BMPR1B: variants seen among roughly 807,000 people sequenced by gnomAD.
BMPR1B encodes bone morphogenetic protein receptor type 1B.
In BMPR1B, 12 loss-of-function variants were observed where a neutral mutation model predicts 59.1. The observed-to-expected ratio is 0.20, with a 90% CI of 0.13 to 0.33. BMPR1B has a LOEUF of 0.33. Among genes scored for constraint, BMPR1B ranks in the 10% least tolerant of loss-of-function variants. The probability of loss-of-function intolerance (pLI) is 1.00; values close to 1 mark genes in which losing one functional copy is unlikely to be tolerated. For synonymous variants in BMPR1B, 237 were observed against 207.3 expected (o/e 1.14, Z -1.23); for missense variants, 550 against 610.9 (o/e 0.90, Z 1.05).
At chr4:95,017,301 C>A (rs1723649797) in intron 3 of BMPR1B, among the ~76,000 whole-genome samples, 1 of 152,202 alleles carries the variant, frequency 6.6e-6, no homozygotes, top group South Asian at 2.1e-4. Flanking sequence ...TGTGTGAATT[C>A]TGTGCTGAAC....
At position 94,852,774 on chromosome 4, in the gene BMPR1B, T is replaced by G. The variant is rs537883190; in HGVS notation, c.-182-23057T>G. Among the ~76,000 whole-genome samples the G allele has an allele frequency of 7.9e-5, 12 of 152,296 alleles. No individual in the cohort carries two copies. In the South Asian group the frequency reaches 2.5e-3, roughly 32 times the overall value. On this transcript the variant is annotated intron_variant, in intron 1 of 12. Transcript: ENST00000515059. ...ATAAAGTAATTTTATACTTGCCAATTGATCTTCCCTTGGGAGCTACTGTAG... is the reference window on the plus strand; with the variant it reads ...ATAAAGTAATTTTATACTTGCCAATGGATCTTCCCTTGGGAGCTACTGTAG...
chr4:94,869,190 T>C (rs998246464), intron 1 of BMPR1B, among the ~76,000 whole-genome samples: 5 of 152,164 alleles, frequency 3.3e-5, no homozygotes, highest in African/African-American at 1.2e-4. Context: ...AGATAATTTC[T>C]GATTTTTGTT....
chr4:94,860,583 T>C (rs1295055139), intron 1 of BMPR1B, among the ~76,000 whole-genome samples: 1 of 152,258 alleles, frequency 6.6e-6, no homozygotes, highest in African/African-American at 2.4e-5. Flanking sequence ...TTGGTCTCTA[T>C]AGCCAGGCAT....
chr4:94,809,441 C>T (rs562475441), intron 1 of BMPR1B, among the ~76,000 whole-genome samples: 8 of 152,124 alleles, frequency 5.3e-5, no homozygotes, highest in South Asian at 2.1e-4. Flanking sequence ...TATTACTCTG[C>T]GAAATGTGAA....
At chr4:95,153,393 C>T (rs1011659789) in intron 12 of BMPR1B, among the ~76,000 whole-genome samples, 2 of 152,092 alleles carry the variant, frequency 1.3e-5, no homozygotes, top group Non-Finnish European at 2.9e-5. Flanking sequence ...CTTCCACCCT[C>T]GCAGCCTTCA....
At chr4:94,784,449 C>T (rs545447625) in intron 1 of BMPR1B, among the ~76,000 whole-genome samples, 2 of 152,146 alleles carry the variant, frequency 1.3e-5, no homozygotes, top group African/African-American at 4.8e-5. Flanking sequence ...GTTTTCAGGT[C>T]TCCTGTTTCT....
At chr4:94,851,251 G>C (rs1290355006) in intron 1 of BMPR1B, among the ~76,000 whole-genome samples, 2 of 146,092 alleles carry the variant, frequency 1.4e-5, no homozygotes, top group Non-Finnish European at 3.1e-5. Flanking sequence ...ATTTTGATAG[G>C]AAAACTGAGA....
intron 1 of BMPR1B, among the ~76,000 whole-genome samples, chr4:94,870,571 T>C (rs544600727): frequency 1.2e-4 from 19 of 152,332 alleles, no homozygotes; most frequent in South Asian, 2.1e-4. Flanking sequence ...TCATTATGCC[T>C]TAGAGAATGG....
At chr4:94,998,115 G>GT (rs1722186196) in intron 3 of BMPR1B, among the ~76,000 whole-genome samples, 1 of 152,120 alleles carries the variant, frequency 6.6e-6, no homozygotes, top group Admixed American at 6.5e-5. Flanking sequence ...CTGGTTGAGT[G>GT]TTTTAAAACT....
intron 1 of BMPR1B, among the ~76,000 whole-genome samples, chr4:94,787,753 A>G (rs776511529): frequency 6.6e-6 from 1 of 152,162 alleles, no homozygotes; most frequent in Non-Finnish European, 1.5e-5. Flanking sequence ...GCTCTAGGCG[A>G]GAACTTAGAT....
At chr4:95,009,158 C>T (rs770223231) in intron 3 of BMPR1B, among the ~76,000 whole-genome samples, 5 of 152,140 alleles carry the variant, frequency 3.3e-5, no homozygotes, top group Non-Finnish European at 5.9e-5. Flanking sequence ...GGATGTGAAG[C>T]AACACGAACT....
At chr4:95,027,801 G>A (rs190925571) in intron 3 of BMPR1B, among the ~76,000 whole-genome samples, 2 of 152,186 alleles carry the variant, frequency 1.3e-5, no homozygotes, top group East Asian at 1.9e-4. Context: ...TTTTCAATAT[G>A]TTCCATACTT....
At chr4:94,765,356 A>G (rs990539138) in intron 1 of BMPR1B, among the ~76,000 whole-genome samples, 1 of 152,180 alleles carries the variant, frequency 6.6e-6, no homozygotes, top group Non-Finnish European at 1.5e-5. Context: ...CAGTAACCCC[A>G]TCTACATCAA....
chr4:94,798,921 C>A (rs1030076262), intron 1 of BMPR1B, among the ~76,000 whole-genome samples: 1 of 151,820 alleles, frequency 6.6e-6, no homozygotes, highest in Non-Finnish European at 1.5e-5. Flanking sequence ...AAAGCAGCAT[C>A]CAGAGAACAA....
At chr4:95,076,957 C>T (rs1218241545) in intron 3 of BMPR1B, among the ~76,000 whole-genome samples, 3 of 152,004 alleles carry the variant, frequency 2.0e-5, no homozygotes, top group Admixed American at 6.6e-5. Context: ...AACCTTAGAA[C>T]TGTTAGAGAT....
chr4:95,141,874 A>C (rs1170217471), intron 10 of BMPR1B, among the ~76,000 whole-genome samples: 1 of 152,216 alleles, frequency 6.6e-6, no homozygotes, highest in Non-Finnish European at 1.5e-5. Flanking sequence ...AAATTATCCA[A>C]GTACAAAAGA....
In BMPR1B at chr4:95,025,317, CAT is replaced by C. The variant is rs376446667; in HGVS notation, c.-18+29184_-18+29185del. On this transcript the variant is annotated intron_variant, in intron 3 of 12. Coordinates refer to ENST00000515059, the MANE Select transcript of BMPR1B (RefSeq NM_001203.3). ...ATTGGGAGATGTTAGGCAGTGAAGT[CAT>C]GTGTGTTTTCAACTTTGTGGTCAGG... 1.6e-4 allele frequency among the ~76,000 whole-genome samples: 25 copies of C among 152,202 alleles called. No individual in the cohort carries two copies. The East Asian group carries it at 1.9e-3, about 12-fold the overall frequency.
At chr4:94,912,841 T>C (rs898744430) in intron 2 of BMPR1B, among the ~76,000 whole-genome samples, 1 of 152,120 alleles carries the variant, frequency 6.6e-6, no homozygotes, top group East Asian at 1.9e-4. Flanking sequence ...TCTTCCTGTG[T>C]AGATACAGAT....
At chr4:94,900,458 T>C (rs2148999360) in intron 2 of BMPR1B, among the ~76,000 whole-genome samples, 2 of 152,194 alleles carry the variant, frequency 1.3e-5, no homozygotes, top group South Asian at 2.1e-4. Context: ...TAAGTTTTAA[T>C]TTGTACATAC....
Sources: gnomAD v4.1 joint callset for allele counts (sites outside exome capture counted in the v4.1 genomes callset) on GRCh38, gnomAD v4.1.1 for gene constraint, MANE v1.5 for transcripts, NCBI Gene and HGNC (gene_info 2026-07-23, HGNC 2026-07-21) for gene names.